Variants in SUGCT observed in about 807,000 individuals in gnomAD.
SUGCT encodes succinyl-CoA:glutarate CoA-transferase.
SUGCT carries 41 observed loss-of-function variants against 55.0 expected under a neutral mutation model. The observed-to-expected ratio is 0.74, with a 90% CI of 0.58 to 0.97. The LOEUF (loss-of-function observed/expected upper bound fraction) is 0.97. Among genes scored for constraint, SUGCT ranks in the 50% least tolerant of loss-of-function variants. The pLI, the probability that SUGCT is intolerant of heterozygous loss-of-function variation, is 0.00. For synonymous variants in SUGCT, 187 were observed against 200.4 expected (o/e 0.93, Z 0.56); for missense variants, 568 against 547.8 (o/e 1.04, Z -0.37).
intron 13 of SUGCT, among the ~76,000 whole-genome samples, chr7:40,809,519 T>C: frequency 6.6e-6 from 1 of 152,170 alleles, no homozygotes; most frequent in East Asian, 1.9e-4. Context: ...AAGAGGTTAC[T>C]TTAACCTAGT....
chr7:40,732,879 C>T (rs552070082), intron 12 of SUGCT, among the ~76,000 whole-genome samples: 29 of 152,208 alleles, frequency 1.9e-4, no homozygotes, highest in African/African-American at 6.3e-4. Context: ...CACTTGAGGT[C>T]AGGAGTTCGA....
intron 13 of SUGCT, among the ~76,000 whole-genome samples, chr7:40,814,476 T>C (rs1791574493): frequency 6.6e-6 from 1 of 152,060 alleles, no homozygotes; most frequent in South Asian, 2.1e-4. Flanking sequence ...TTTCTTCTGC[T>C]TGGTCCAGTC....
chr7:40,177,137 C>A (rs1784966299), intron 1 of SUGCT, among the ~76,000 whole-genome samples: 1 of 152,044 alleles, frequency 6.6e-6, no homozygotes, highest in Non-Finnish European at 1.5e-5. Flanking sequence ...TACTCACATA[C>A]TTGAGTTTTT....
At chr7:40,147,735 C>T (rs913430052) in intron 1 of SUGCT, among the ~76,000 whole-genome samples, 5 of 152,208 alleles carry the variant, frequency 3.3e-5, no homozygotes, top group African/African-American at 4.8e-5. Flanking sequence ...CCCCTGAGGC[C>T]GCCACAAGGG....
At chr7:40,739,929 T>C (rs1254422942) in intron 12 of SUGCT, among the ~76,000 whole-genome samples, 1 of 152,158 alleles carries the variant, frequency 6.6e-6, no homozygotes, top group Admixed American at 6.6e-5. Flanking sequence ...AAATGAACTT[T>C]TTAAAAAGTT....
chr7:40,550,382 C>A (rs73308269), intron 12 of SUGCT, among the ~76,000 whole-genome samples: 14,369 of 152,146 alleles, frequency 0.094, 719 homozygotes, highest in Middle Eastern at 0.11. Flanking sequence ...ATTGTTCTTC[C>A]CTGGAATACC....
At chr7:40,517,340 C>G (rs1240372517) in intron 12 of SUGCT, among the ~76,000 whole-genome samples, 1 of 148,776 alleles carries the variant, frequency 6.7e-6, no homozygotes, top group Non-Finnish European at 1.5e-5. Context: ...CTTTTCTTAT[C>G]TTTTTCTTTC....
chr7:41,019,701 T>C, the SUGCT span, among the ~76,000 whole-genome samples: 9 of 152,244 alleles, frequency 5.9e-5, no homozygotes, highest in Non-Finnish European at 1.2e-4. Context: ...CAACCCCAGC[T>C]AAGGCTGTAA....
chr7:40,768,180 TCTC>T (rs1788899548), intron 13 of SUGCT, among the ~76,000 whole-genome samples: 1 of 152,108 alleles, frequency 6.6e-6, no homozygotes, highest in Admixed American at 6.5e-5. Context: ...TTGGGCTTCT[TCTC>T]CTCCATTCAG....
chr7:40,943,868 A>G, the SUGCT span, among the ~76,000 whole-genome samples: 2 of 151,728 alleles, frequency 1.3e-5, no homozygotes, highest in South Asian at 4.2e-4. Context: ...GACTTCCACA[A>G]TGGTTGAACT....
chr7:40,678,169 G>T (rs1204065758), intron 12 of SUGCT, among the ~76,000 whole-genome samples: 3 of 152,178 alleles, frequency 2.0e-5, no homozygotes, highest in Non-Finnish European at 4.4e-5. Flanking sequence ...GGTCATCCCT[G>T]TTCAGTATAG....
chr7:40,669,122 T>C (rs1562936404), intron 12 of SUGCT, among the ~76,000 whole-genome samples: 1 of 152,076 alleles, frequency 6.6e-6, no homozygotes. Flanking sequence ...CAATTTTAAG[T>C]GGAGACCTAC....
At chr7:40,518,795 A>G (rs1419038827) in intron 12 of SUGCT, among the ~76,000 whole-genome samples, 1 of 152,036 alleles carries the variant, frequency 6.6e-6, no homozygotes, top group Admixed American at 6.6e-5. Context: ...GCTAACCAAA[A>G]AGAACTCCCA....
At chr7:40,321,445 C>A (rs1306751653) in intron 9 of SUGCT, among the ~76,000 whole-genome samples, 1 of 151,766 alleles carries the variant, frequency 6.6e-6, no homozygotes, top group African/African-American at 2.4e-5. Flanking sequence ...TGTAATGGTG[C>A]TGTCTCAGCT....
intron 12 of SUGCT, among the ~76,000 whole-genome samples, chr7:40,680,255 C>A (rs1390953563): frequency 6.6e-6 from 1 of 152,054 alleles, no homozygotes; most frequent in Non-Finnish European, 1.5e-5. Flanking sequence ...CTGTTTAACA[C>A]CTGCAAAAGA....
intron 11 of SUGCT, among the ~76,000 whole-genome samples, chr7:40,474,169 C>T (rs1373358384): frequency 1.3e-5 from 2 of 152,064 alleles, no homozygotes; most frequent in Non-Finnish European, 2.9e-5. Flanking sequence ...TACTAAATGA[C>T]ACAGTTAATA....
At chr7:41,023,633 T>C in the SUGCT span, among the ~76,000 whole-genome samples, 3 of 152,114 alleles carry the variant, frequency 2.0e-5, no homozygotes, top group African/African-American at 7.2e-5. Flanking sequence ...AATAAAACAG[T>C]TCCTACAATC....
chr7:40,711,505 A>T (rs775860757), intron 12 of SUGCT, among the ~76,000 whole-genome samples: 6 of 152,172 alleles, frequency 3.9e-5, no homozygotes, highest in Non-Finnish European at 8.8e-5. Flanking sequence ...CTATCTAAAA[A>T]AAAAGAAAGA....
At chr7:40,727,128 T>C (rs1304135794) in intron 12 of SUGCT, among the ~76,000 whole-genome samples, 1 of 152,214 alleles carries the variant, frequency 6.6e-6, no homozygotes, top group African/African-American at 2.4e-5. Context: ...TTACTTTTTC[T>C]CTATACAAGG....
Sources: allele counts gnomAD v4.1 joint callset (sites outside exome capture counted in the v4.1 genomes callset), GRCh38; gene constraint gnomAD v4.1.1; transcripts MANE v1.5; gene names NCBI Gene and HGNC (gene_info 2026-07-23, HGNC 2026-07-21).